The following SMG6 variants were observed in gnomAD, a reference collection of about 807,000 sequenced individuals.
SMG6 encodes telomerase-binding protein EST1A.
In SMG6, 66 loss-of-function variants were observed where a neutral mutation model predicts 142.2. That is an observed-to-expected ratio of 0.46 (90% CI 0.38 to 0.57). The LOEUF is 0.57. SMG6 is among the 20% of genes least tolerant of loss of function. SMG6 has a pLI of 0.00. For synonymous variants in SMG6, 779 were observed against 702.4 expected (o/e 1.11, Z -1.72); for missense variants, 1,793 against 1,832.0 (o/e 0.98, Z 0.39).
intron 8 of SMG6, among the ~76,000 whole-genome samples, chr17:2,255,419 AAAAAAAAAAAG>A (rs1370996563): frequency 3.9e-4 from 58 of 149,920 alleles, no homozygotes; most frequent in African/African-American, 1.2e-3. Context: ...AAAAAAAAAA[AAAAAAAAAAAG>A]AATGTGATCT....
intron 6 of SMG6, among the ~76,000 whole-genome samples, chr17:2,286,373 C>T (rs564934353): frequency 5.1e-4 from 76 of 147,802 alleles, no homozygotes; most frequent in African/African-American, 1.8e-3. Flanking sequence ...CACAAACCTA[C>T]AGTAACTAAC....
At chr17:2,141,815 T>C (rs1368818533) in intron 13 of SMG6, among the ~76,000 whole-genome samples, 1 of 152,160 alleles carries the variant, frequency 6.6e-6, no homozygotes, top group Non-Finnish European at 1.5e-5. Flanking sequence ...GCAGAGGCCA[T>C]TGAGAAAACT....
chr17:2,100,139 G>A (rs919421768), intron 13 of SMG6, among the ~76,000 whole-genome samples: 2 of 151,082 alleles, frequency 1.3e-5, no homozygotes, highest in Admixed American at 6.6e-5. Flanking sequence ...CCAGATCTAA[G>A]CAATTCTTCT....
intron 9 of SMG6, among the ~76,000 whole-genome samples, chr17:2,244,299 T>A (rs1223086689): frequency 6.6e-6 from 1 of 152,160 alleles, no homozygotes; most frequent in Non-Finnish European, 1.5e-5. Context: ...GAGGACCCCC[T>A]GACAGCTGCA....
At chr17:2,236,366 G>C in intron 10 of SMG6, 126 bp downstream of exon 10, 1 of 825,140 alleles carries the variant, frequency 1.2e-6, no homozygotes, top group Non-Finnish European at 1.9e-6. Flanking sequence ...GAAGCGTAGG[G>C]TAGGGTGTGT....
chr17:2,118,264 G>A (rs926040849), intron 13 of SMG6, among the ~76,000 whole-genome samples: 4 of 150,886 alleles, frequency 2.7e-5, no homozygotes, highest in Middle Eastern at 6.9e-3. Flanking sequence ...AGGAATGGGC[G>A]CAGTGGCTCA....
chr17:2,222,598 G>A (rs1339926113), intron 10 of SMG6, among the ~76,000 whole-genome samples: 1 of 124,848 alleles, frequency 8.0e-6, no homozygotes, highest in Non-Finnish European at 1.6e-5. Flanking sequence ...TGAAGGCCTT[G>A]TAAATAATGT....
chr17:2,127,476 A>T lies in SMG6; in HGVS notation c.3358-41575T>A, dbSNP rs917046425. On this transcript the variant is annotated intron_variant, in intron 13 of 18. Coordinates refer to ENST00000263073, the MANE Select transcript of SMG6 (RefSeq NM_017575.5). ...GAGCTACTGTTAGGCACGTAAATAT[A>T]GACCCTGCTAAATATTTAATATTAT... 4 of 789,140 alleles carry T rather than the reference A, an allele frequency of 5.1e-6. No homozygotes were observed. The East Asian group carries it at 1.3e-4, about 26-fold the overall frequency. The allele number at this position is 789,140 out of a possible 1,614,324, so 48.9% of individuals were successfully genotyped here. A position where few individuals can be genotyped will look rare whatever the true frequency, so the allele number is the denominator to read the frequency against.
chr17:2,135,901 G>A (rs1266490702), intron 13 of SMG6, among the ~76,000 whole-genome samples: 2 of 148,282 alleles, frequency 1.3e-5, no homozygotes, highest in Non-Finnish European at 3.0e-5. Context: ...TGTCCAGGCT[G>A]GTCTTGAACG....
chr17:2,143,283 T>G (rs188856359), intron 13 of SMG6, among the ~76,000 whole-genome samples: 27 of 152,336 alleles, frequency 1.8e-4, no homozygotes, highest in Non-Finnish European at 3.2e-4. Flanking sequence ...TACACAAATG[T>G]TCATATCAAC....
chr17:2,301,040 C>CT (rs1266831466), intron 1 of SMG6, among the ~76,000 whole-genome samples: 5 of 152,234 alleles, frequency 3.3e-5, no homozygotes, highest in Non-Finnish European at 5.9e-5. Context: ...ACACTGTTCT[C>CT]TATCTATAGA....
At chr17:2,076,166 A>G (rs1442254747) in intron 15 of SMG6, among the ~76,000 whole-genome samples, 2 of 151,928 alleles carry the variant, frequency 1.3e-5, no homozygotes, top group African/African-American at 2.4e-5. Context: ...TTCCCCAAAC[A>G]TGCGTGGTTC....
intron 13 of SMG6, among the ~76,000 whole-genome samples, chr17:2,149,471 A>T (rs575775612): frequency 1.3e-5 from 2 of 152,108 alleles, no homozygotes; most frequent in East Asian, 3.9e-4. Context: ...TCTCTTCCTA[A>T]CTCCTCACCC....
intron 10 of SMG6, among the ~76,000 whole-genome samples, chr17:2,231,225 A>C (rs540732034): frequency 6.1e-4 from 93 of 152,298 alleles, no homozygotes; most frequent in African/African-American, 2.1e-3. Context: ...GTTGCGAACC[A>C]AACTCAACTA....
Position 2,112,242 on chromosome 17 carries a change from C to T in SMG6, c.3358-26341G>A, listed in dbSNP as rs1257124915. On this transcript the variant is annotated intron_variant, in intron 13 of 18. Transcript: ENST00000263073. ...AAAGTCGGCCGGGCGCGGTGGCTCA[C>T]GCCTGTAATCCCAGCACTTTGGGAG... is the stretch of plus-strand genomic sequence containing the variant. 2.0e-4 allele frequency among the ~76,000 whole-genome samples: 30 copies of T among 151,836 alleles called. 1 individual carries two copies. In the Middle Eastern group the frequency reaches 0.01, roughly 52 times the overall value.
At chr17:2,164,999 T>C (rs2071291138) in intron 13 of SMG6, among the ~76,000 whole-genome samples, 1 of 152,008 alleles carries the variant, frequency 6.6e-6, no homozygotes, top group African/African-American at 2.4e-5. Flanking sequence ...TAAGGTAACA[T>C]GTAACAGGTT....
intron 8 of SMG6, among the ~76,000 whole-genome samples, chr17:2,254,134 G>A (rs1036044939): frequency 6.6e-6 from 1 of 152,188 alleles, no homozygotes; most frequent in African/African-American, 2.4e-5. Flanking sequence ...GTTACTTTCT[G>A]AATGACTCTT....
At chr17:2,157,848 T>C (rs531137972) in intron 13 of SMG6, among the ~76,000 whole-genome samples, 89 of 152,312 alleles carry the variant, frequency 5.8e-4, no homozygotes, top group African/African-American at 2.0e-3. Flanking sequence ...GTATTTCAAA[T>C]GCTTAGAACC....
chr17:2,267,124 T>G (rs915709436), intron 8 of SMG6, among the ~76,000 whole-genome samples: 1 of 152,174 alleles, frequency 6.6e-6, no homozygotes, highest in Non-Finnish European at 1.5e-5. Context: ...CAAACTACTT[T>G]ACAAAAGCAT....
Sources: gnomAD v4.1 joint callset for allele counts (sites outside exome capture counted in the v4.1 genomes callset) on GRCh38, gnomAD v4.1.1 for gene constraint, MANE v1.5 for transcripts, NCBI Gene and HGNC (gene_info 2026-07-23, HGNC 2026-07-21) for gene names.